The following CEP128 variants were observed in gnomAD, a reference collection of about 807,000 sequenced individuals.
CEP128 encodes the protein centrosomal protein 128kDa.
CEP128 carries 132 observed loss-of-function variants against 156.7 expected under a neutral mutation model. That is an observed-to-expected ratio of 0.84 (90% CI 0.73 to 0.97). The LOEUF is 0.97. Ranked by LOEUF, CEP128 falls within the 50% of genes least tolerant of loss-of-function variation. The pLI is 0.00. For synonymous variants in CEP128, 469 were observed against 448.9 expected (o/e 1.04, Z -0.57); for missense variants, 1,252 against 1,281.9 (o/e 0.98, Z 0.36).
upstream of CEP128, among the ~76,000 whole-genome samples, chr14:80,944,807 G>C (rs192546715): frequency 9.8e-3 from 1,008 of 102,590 alleles, 8 homozygotes; most frequent in South Asian, 0.013. Flanking sequence ...GGGCGACAGA[G>C]TCAAGAGTCT....
At chr14:80,772,695 C>A (rs1566905714) in intron 16 of CEP128, among the ~76,000 whole-genome samples, 2 of 152,064 alleles carry the variant, frequency 1.3e-5, no homozygotes, top group Non-Finnish European at 2.9e-5. Flanking sequence ...AGGTAGTTGC[C>A]CCAACTCCTG....
chr14:80,944,858 C>CA (rs1886298164), upstream of CEP128, among the ~76,000 whole-genome samples: 1 of 54,986 alleles, frequency 1.8e-5, no homozygotes, highest in Non-Finnish European at 3.3e-5. Context: ...AAAAAAAAAA[C>CA]AGAAAAAACA....
At chr14:80,688,893 A>T (rs1896614667) in intron 19 of CEP128, among the ~76,000 whole-genome samples, 1 of 152,158 alleles carries the variant, frequency 6.6e-6, no homozygotes, top group South Asian at 2.1e-4. Context: ...ATTACACCAA[A>T]TCCTTTTGGG....
At chr14:80,831,915 T>C (rs1885821563) in intron 12 of CEP128, among the ~76,000 whole-genome samples, 1 of 152,210 alleles carries the variant, frequency 6.6e-6, no homozygotes, top group Non-Finnish European at 1.5e-5. Flanking sequence ...TACATCCTGA[T>C]GTGGTTTGGC....
chr14:80,691,983 C>A (rs980417971), intron 19 of CEP128, among the ~76,000 whole-genome samples: 2 of 152,004 alleles, frequency 1.3e-5, no homozygotes, highest in African/African-American at 4.8e-5. Context: ...TAGGACACTC[C>A]CCTCTTGCAC....
chr14:80,792,022 A>G (rs761885850), intron 14 of CEP128, among the ~76,000 whole-genome samples: 1 of 152,272 alleles, frequency 6.6e-6, no homozygotes, highest in African/African-American at 2.4e-5. Context: ...AAAAAAATCA[A>G]TCACGACTTT....
chr14:80,584,388 C>T (rs1302246162), intron 19 of CEP128, among the ~76,000 whole-genome samples: 6 of 152,052 alleles, frequency 3.9e-5, no homozygotes, highest in South Asian at 2.1e-4. Flanking sequence ...TCAAGTGATC[C>T]GCCCGCCTCG....
At chr14:80,510,214 T>G (rs886488470) in intron 23 of CEP128, among the ~76,000 whole-genome samples, 7 of 152,162 alleles carry the variant, frequency 4.6e-5, no homozygotes, top group African/African-American at 1.7e-4. Context: ...CTTTGGGTAG[T>G]ATGGACATTT....
At chr14:80,576,759 G>A (rs968488534) in intron 20 of CEP128, among the ~76,000 whole-genome samples, 11 of 152,016 alleles carry the variant, frequency 7.2e-5, no homozygotes, top group African/African-American at 2.7e-4. Context: ...GATTGGTGTT[G>A]TTTTTTAATG....
intron 14 of CEP128, among the ~76,000 whole-genome samples, chr14:80,483,835 G>A (rs1395180836): frequency 6.6e-6 from 1 of 152,126 alleles, no homozygotes; most frequent in Non-Finnish European, 1.5e-5. Context: ...CAAATAAGCT[G>A]CTTTCTAGGT....
Position 80,730,364 on chromosome 14 carries a change from A to G in CEP128, c.2806+12711T>C, listed in dbSNP as rs546859760. Among the ~76,000 whole-genome samples the G allele has an allele frequency of 1.2e-4, 19 of 152,312 alleles. No homozygotes were observed. The South Asian group carries it at 3.7e-3, about 30-fold the overall frequency. ...TTATATCTCTCTTCTCAAGACTGAA[A>G]GTGCTTCTTAGTTAACTTATATTGG... On this transcript the variant is annotated intron_variant, in intron 19 of 24. Coordinates refer to ENST00000555265, the MANE Select transcript of CEP128 (RefSeq NM_152446.5).
At chr14:80,644,145 C>A (rs1894539442) in intron 19 of CEP128, among the ~76,000 whole-genome samples, 1 of 152,168 alleles carries the variant, frequency 6.6e-6, no homozygotes, top group Non-Finnish European at 1.5e-5. Flanking sequence ...GACAAAGAAG[C>A]ACTCTTCCCT....
intron 18 of CEP128, among the ~76,000 whole-genome samples, chr14:80,756,304 G>A (rs1899654610): frequency 6.6e-6 from 1 of 152,060 alleles, no homozygotes; most frequent in African/African-American, 2.4e-5. Context: ...TCATTTTCTT[G>A]TTAAGAATGC....
intron 8 of CEP128, among the ~76,000 whole-genome samples, chr14:80,892,350 ATT>A (rs1283619724): frequency 1.3e-5 from 2 of 152,004 alleles, no homozygotes; most frequent in South Asian, 2.1e-4. Context: ...GAAAACTGGA[ATT>A]TCACACACAA....
At chr14:80,912,151 A>C (rs2139481500) in intron 4 of CEP128, among the ~76,000 whole-genome samples, 1 of 148,928 alleles carries the variant, frequency 6.7e-6, no homozygotes, top group Admixed American at 6.7e-5. Context: ...TGGGAGGCGG[A>C]GGTTGCAGTG....
At chr14:80,642,125 A>T (rs997095058) in intron 19 of CEP128, among the ~76,000 whole-genome samples, 1 of 150,514 alleles carries the variant, frequency 6.6e-6, no homozygotes, top group African/African-American at 2.4e-5. Flanking sequence ...GCCCTACCTT[A>T]AACATAAGCT....
intron 19 of CEP128, among the ~76,000 whole-genome samples, chr14:80,741,206 C>A (rs1898815193): frequency 1.3e-5 from 2 of 152,114 alleles, no homozygotes; most frequent in Admixed American, 6.6e-5. Context: ...GCATTTTGTA[C>A]AGCAAGAATA....
At chr14:80,937,190 G>A (rs1393133354) in intron 2 of CEP128, among the ~76,000 whole-genome samples, 1 of 150,612 alleles carries the variant, frequency 6.6e-6, no homozygotes, top group Non-Finnish European at 1.5e-5. Flanking sequence ...GTGTGGTAGT[G>A]CACACCTGTA....
rs1897809749 is a variant in CEP128, at chr14:80,721,354, A to G, written c.2806+21721T>C. On this transcript the variant is annotated intron_variant, in intron 19 of 24. Transcript: ENST00000555265. ...CCAGTATAAATGATCCTCTAGGGCT[A>G]TTCTGTTCAATATGTTAGCCATGAG... 2.6e-5 allele frequency among the ~76,000 whole-genome samples: 4 copies of G among 152,160 alleles called. No individual in the cohort carries two copies. The South Asian group carries it at 6.2e-4, about 24-fold the overall frequency.
Sources: allele counts gnomAD v4.1 joint callset (sites outside exome capture counted in the v4.1 genomes callset), GRCh38; gene constraint gnomAD v4.1.1; transcripts MANE v1.5; gene names NCBI Gene and HGNC (gene_info 2026-07-23, HGNC 2026-07-21).